The following MAN2A1 variants were observed in gnomAD, a reference collection of about 807,000 sequenced individuals.
MAN2A1 encodes alpha-mannosidase 2.
In MAN2A1, 76 loss-of-function variants were observed where a neutral mutation model predicts 142.6. The ratio of observed to expected loss-of-function variants is 0.53; its 90% CI spans 0.44 to 0.65. MAN2A1 has a LOEUF of 0.65. MAN2A1 is among the 30% of genes least tolerant of loss of function. The pLI is 0.00. For synonymous variants in MAN2A1, 559 were observed against 473.2 expected, an observed-to-expected ratio of 1.18 and a Z score of -2.35; for missense variants, 1,311 against 1,365.1, an observed-to-expected ratio of 0.96 and a Z score of 0.62.
chr5:109,804,210 C>T (rs1156853702), intron 12 of MAN2A1: 1 of 987,124 alleles, frequency 1.0e-6, no homozygotes, highest in Non-Finnish European at 1.2e-6. Flanking sequence ...TGAAGGTATC[C>T]TGATCCTGAA....
chr5:109,742,449 A>G lies in MAN2A1; in HGVS notation c.708-12880A>G, dbSNP rs116882852. 4.5e-4 allele frequency among the ~76,000 whole-genome samples: 68 copies of G among 152,174 alleles called. No homozygotes were observed. The East Asian group carries it at 5.6e-3, about 13-fold the overall frequency. ...ATAATCTTTGTACTATCTTCTTACA[A>G]TTTTTCCCCTAGGTTTATATTTAAG... On this transcript the variant is annotated intron_variant, in intron 4 of 21. Coordinates refer to ENST00000261483, the MANE Select transcript of MAN2A1 (RefSeq NM_002372.4).
chr5:109,779,762 T>C (rs950489822), intron 8 of MAN2A1, among the ~76,000 whole-genome samples: 1 of 152,194 alleles, frequency 6.6e-6, no homozygotes, highest in African/African-American at 2.4e-5. Flanking sequence ...GATGAGGAAA[T>C]TGAGGCACAA....
At chr5:109,800,489 C>T (rs1302229590) in intron 12 of MAN2A1, among the ~76,000 whole-genome samples, 1 of 152,164 alleles carries the variant, frequency 6.6e-6, no homozygotes, top group Non-Finnish European at 1.5e-5. Context: ...CAGAAATAAT[C>T]AGATATGGAG....
At chr5:109,834,680 T>G (rs954672028) in intron 16 of MAN2A1, among the ~76,000 whole-genome samples, 2 of 152,206 alleles carry the variant, frequency 1.3e-5, no homozygotes, top group African/African-American at 2.4e-5. Context: ...TAGTAGCTGT[T>G]TATCTAGTAG....
At chr5:109,845,415 G>C (rs1755321174) in intron 17 of MAN2A1, among the ~76,000 whole-genome samples, 1 of 152,106 alleles carries the variant, frequency 6.6e-6, no homozygotes, top group Admixed American at 6.5e-5. Flanking sequence ...TTGGTGCAGA[G>C]ACCTGTGGTA....
intron 7 of MAN2A1, among the ~76,000 whole-genome samples, chr5:109,770,794 A>G (rs1391257240): frequency 6.6e-6 from 1 of 152,098 alleles, no homozygotes; most frequent in African/African-American, 2.4e-5. Flanking sequence ...TATTATTACC[A>G]TCTCCTTTGC....
intron 20 of MAN2A1, among the ~76,000 whole-genome samples, chr5:109,860,257 C>G (rs1057016012): frequency 6.6e-6 from 1 of 152,148 alleles, no homozygotes; most frequent in Admixed American, 6.5e-5. Context: ...CCCTTTCTTT[C>G]TGTCATTTTA....
chr5:109,866,604 C>T (rs1755889827), intron 21 of MAN2A1, among the ~76,000 whole-genome samples: 1 of 152,104 alleles, frequency 6.6e-6, no homozygotes, highest in Non-Finnish European at 1.5e-5. Flanking sequence ...CCCTTCCAAG[C>T]GTAGTCTGTA....
At chr5:109,743,490 C>T (rs540945026) in intron 4 of MAN2A1, among the ~76,000 whole-genome samples, 1 of 152,304 alleles carries the variant, frequency 6.6e-6, no homozygotes, top group South Asian at 2.1e-4. Flanking sequence ...TGCCTAAGGT[C>T]ACCCAGCTAG....
At chr5:109,865,179 A>C (rs1364410961) in intron 21 of MAN2A1, 33 bp downstream of exon 21, 2 of 1,476,506 alleles carry the variant, frequency 1.4e-6, no homozygotes, top group Admixed American at 3.4e-5. Flanking sequence ...GCTTACTGTT[A>C]GTGTGCTTTG....
intron 3 of MAN2A1, among the ~76,000 whole-genome samples, chr5:109,725,184 A>G (rs1295691954): frequency 6.6e-6 from 1 of 152,220 alleles, no homozygotes; most frequent in African/African-American, 2.4e-5. Context: ...ATTACTAAAG[A>G]AAAATAGGTC....
intron 6 of MAN2A1, among the ~76,000 whole-genome samples, chr5:109,768,525 C>T (rs949355773): frequency 1.3e-5 from 2 of 152,118 alleles, no homozygotes; most frequent in South Asian, 4.1e-4. Flanking sequence ...AGCCCAGGCT[C>T]CTAACCTCTG....
Position 109,867,046 on chromosome 5 carries a change from C to G in MAN2A1, c.*48C>G. 1 of 1,515,420 alleles carries G rather than the reference C, an allele frequency of 6.6e-7. No homozygotes were observed. Among genetic ancestry groups the G allele is most frequent in the Non-Finnish European group, 9.0e-7 (1 of 1,116,844 alleles). The allele number at this position is 1,515,420 out of a possible 1,614,324, so 93.9% of individuals were successfully genotyped here. A position where few individuals can be genotyped will look rare whatever the true frequency, so the allele number is the denominator to read the frequency against. On this transcript the variant is annotated 3_prime_UTR_variant, in exon 22 of 22. Coordinates refer to ENST00000261483, the MANE Select transcript of MAN2A1 (RefSeq NM_002372.4). Reference sequence around the variant, plus strand: ...GAGAATCATTGGCTTTTATACCTTTCTTGGTTTGACGTGCAATAAAGAAGC... The same window carrying G: ...GAGAATCATTGGCTTTTATACCTTTGTTGGTTTGACGTGCAATAAAGAAGC...
At chr5:109,778,972 C>G (rs1561507748) in intron 8 of MAN2A1, among the ~76,000 whole-genome samples, 1 of 151,942 alleles carries the variant, frequency 6.6e-6, no homozygotes, top group Non-Finnish European at 1.5e-5. Flanking sequence ...TATGTGTTGT[C>G]CTGATAGAAT....
chr5:109,804,843 T>G (rs1404403567), intron 12 of MAN2A1, among the ~76,000 whole-genome samples: 1 of 152,182 alleles, frequency 6.6e-6, no homozygotes, highest in Non-Finnish European at 1.5e-5. Flanking sequence ...TTTCTGTCCT[T>G]AACAACAAAA....
intron 3 of MAN2A1, among the ~76,000 whole-genome samples, chr5:109,720,898 G>C (rs1468371108): frequency 1.3e-5 from 2 of 152,154 alleles, no homozygotes; most frequent in Non-Finnish European, 2.9e-5. Flanking sequence ...ACACTGTTTG[G>C]AGAGTACTTT....
chr5:109,805,035 A>G (rs1005784032), intron 12 of MAN2A1, among the ~76,000 whole-genome samples: 15 of 152,208 alleles, frequency 9.9e-5, no homozygotes, highest in African/African-American at 3.6e-4. Flanking sequence ...ACCCATAAAT[A>G]TAATGTCTTT....
chr5:109,817,187 T>TATCTAC (rs1754485474), intron 12 of MAN2A1, 86 bp from the exon 13 acceptor site: 1 of 1,094,074 alleles, frequency 9.1e-7, no homozygotes, highest in South Asian at 1.5e-5. Context: ...TGTATATGTA[T>TATCTAC]ATGTATATGT....
intron 12 of MAN2A1, among the ~76,000 whole-genome samples, chr5:109,794,024 A>G (rs1390326726): frequency 1.3e-5 from 2 of 152,174 alleles, no homozygotes; most frequent in Non-Finnish European, 2.9e-5. Context: ...TGTGTCTTAG[A>G]AAATATCTAA....
Sources: allele counts gnomAD v4.1 joint callset (sites outside exome capture counted in the v4.1 genomes callset), GRCh38; gene constraint gnomAD v4.1.1; transcripts MANE v1.5; gene names NCBI Gene and HGNC (gene_info 2026-07-23, HGNC 2026-07-21).